Variants in SPTBN1 observed in about 807,000 individuals in gnomAD.
SPTBN1 encodes the protein spectrin beta, non-erythrocytic 1.
A neutral mutation model predicts 266.4 loss-of-function variants in SPTBN1; 32 were observed. The observed-to-expected ratio is 0.12, with a 90% CI of 0.09 to 0.16. The LOEUF (loss-of-function observed/expected upper bound fraction) is 0.16. Ranked by LOEUF, SPTBN1 falls within the 10% of genes least tolerant of loss-of-function variation. The pLI is 1.00. For synonymous variants in SPTBN1, 1,336 were observed against 1,162.2 expected (o/e 1.15, Z -3.04); for missense variants, 2,296 against 3,067.1 (o/e 0.75, Z 5.94).
intron 2 of SPTBN1, 181 bp downstream of exon 2, chr2:54,526,747 G>A (rs1465724881): frequency 3.3e-5 from 23 of 692,482 alleles, no homozygotes; most frequent in Non-Finnish European, 4.5e-5. Flanking sequence ...TTGGAGAGCT[G>A]TCAACTCTAA....
intron 2 of SPTBN1, among the ~76,000 whole-genome samples, chr2:54,582,946 T>C (rs1373219256): frequency 6.6e-6 from 1 of 152,184 alleles, no homozygotes; most frequent in African/African-American, 2.4e-5. Context: ...GTTGTGAGAA[T>C]TGAGTTTTAA....
Position 54,664,721 on chromosome 2 carries a change from A to G in SPTBN1, c.6659+30A>G. 1 of 1,606,810 alleles carries G rather than the reference A, an allele frequency of 6.2e-7. No individual in the cohort carries two copies. Among genetic ancestry groups the G allele is most frequent in the Non-Finnish European group, 8.5e-7 (1 of 1,174,506 alleles). On this transcript the variant is annotated intron_variant, in intron 33 of 35. Transcript: ENST00000356805. The surrounding 1 kb of genome is among the most constrained non-coding windows in gnomAD (Gnocchi z 5.6). ...CAGCAGCAGAGGCTGCCACAGTAAG[A>G]TGGGAAGTCAGCCTGTGAAGGGATA...
At chr2:54,601,843 C>G (rs1313294699) in intron 3 of SPTBN1, among the ~76,000 whole-genome samples, 1 of 152,102 alleles carries the variant, frequency 6.6e-6, no homozygotes, top group Non-Finnish European at 1.5e-5. Context: ...GAGTAAAGTT[C>G]AAAGAAACAT....
chr2:54,593,798 T>G (rs1558878681), intron 2 of SPTBN1, among the ~76,000 whole-genome samples: 1 of 150,618 alleles, frequency 6.6e-6, no homozygotes, highest in Non-Finnish European at 1.5e-5. Flanking sequence ...TGGTGGGTAA[T>G]TCTAAGTCTT....
At chr2:54,552,877 AGTGTGAGTCGTGAGGGGAGGGGAAGTG>A (rs1425234175) in intron 2 of SPTBN1, among the ~76,000 whole-genome samples, 1 of 152,228 alleles carries the variant, frequency 6.6e-6, no homozygotes, top group East Asian at 1.9e-4. Flanking sequence ...TTCTAAGAGT[AGTGTGAGTCGTGAGGGGAGGGGAAGTG>A]CTCCTGACTG....
At position 54,554,831 on chromosome 2, in the gene SPTBN1, A is replaced by G. The variant is rs1301156374; in HGVS notation, c.148+28265A>G. 2.0e-5 allele frequency among the ~76,000 whole-genome samples: 3 copies of G among 152,066 alleles called. No individual in the cohort carries two copies. The highest frequency in any genetic ancestry group is 4.4e-5 in the Non-Finnish European group (3 of 68,008). On this transcript the variant is annotated intron_variant, in intron 2 of 35. Transcript: ENST00000356805. This position sits in a 1 kb window ranked among gnomAD's most constrained non-coding sequence, Gnocchi z 4.5. ...TAGGGCTGAAACCTGTGCACAGAGG[A>G]CATACTCAGTTGGGCCCTGCCTTGG...
At chr2:54,632,339 C>G (rs970422296) in intron 16 of SPTBN1, among the ~76,000 whole-genome samples, 9 of 152,042 alleles carry the variant, frequency 5.9e-5, no homozygotes, top group African/African-American at 2.2e-4. Context: ...CCTTTCCTCA[C>G]TCTCTTTGGA....
intron 2 of SPTBN1, among the ~76,000 whole-genome samples, chr2:54,565,549 A>G (rs541468729): frequency 1.2e-4 from 19 of 152,338 alleles, no homozygotes; most frequent in African/African-American, 4.1e-4. Context: ...AGATAAACCT[A>G]ATAGTGTGTG....
chr2:54,545,075 C>T (rs1267353666), intron 2 of SPTBN1, among the ~76,000 whole-genome samples: 2 of 152,168 alleles, frequency 1.3e-5, no homozygotes, highest in African/African-American at 4.8e-5. Flanking sequence ...TGGTTTCCAG[C>T]TTCATCCATG....
chr2:54,509,051 G>T (rs557427662), intron 1 of SPTBN1, among the ~76,000 whole-genome samples: 1 of 152,208 alleles, frequency 6.6e-6, no homozygotes, highest in African/African-American at 2.4e-5. Flanking sequence ...TCAGCTTGCT[G>T]AGAGGTAATG....
intron 1 of SPTBN1, among the ~76,000 whole-genome samples, chr2:54,522,681 G>A (rs1295015079): frequency 8.6e-6 from 1 of 115,620 alleles, no homozygotes; most frequent in Non-Finnish European, 1.8e-5. Context: ...AGAGAGAGGA[G>A]AGAGAGAGAG....
At chr2:54,462,514 C>T (rs1212580413) in intron 1 of SPTBN1, among the ~76,000 whole-genome samples, 1 of 152,198 alleles carries the variant, frequency 6.6e-6, no homozygotes, top group African/African-American at 2.4e-5. Flanking sequence ...TTTACTGCTA[C>T]TCTGAGATTA....
rs150684675 is a variant in SPTBN1, at chr2:54,659,231, G to A, written c.6321G>A (p.Thr2107=). 1.2e-5 allele frequency: 20 copies of A among 1,614,098 alleles called. No individual in the cohort carries two copies. The highest frequency in any genetic ancestry group is 1.2e-4 in the African/African-American group (9 of 75,036). ...GGCCGCCTTCTCCCGAGCCGAGCAC[G>A]AAGGTTTCAGAGGAAGCCGAGTCCC... ...KRRPPSPEPS[T]KVSEEAESQQ... Residue 2107 remains threonine, a synonymous_variant, in exon 31 of 36, where the codon ACG becomes ACA. Transcript: ENST00000356805.
Position 54,655,223 on chromosome 2 carries a change from T to C in SPTBN1, c.5961+15T>C. 3 of 1,610,236 alleles carry C rather than the reference T, an allele frequency of 1.9e-6. No individual in the cohort carries two copies. Reference sequence around the variant, plus strand: ...CATCTGAGGAGGTAGGTTGCTACTTTGCTTTGGAGCTGCAGCTGGCGTCAA... The same window carrying C: ...CATCTGAGGAGGTAGGTTGCTACTTCGCTTTGGAGCTGCAGCTGGCGTCAA... On this transcript the variant is annotated intron_variant, in intron 28 of 35. Transcript: ENST00000356805.
chr2:54,517,800 C>G (rs903058084), intron 1 of SPTBN1, among the ~76,000 whole-genome samples: 1 of 152,090 alleles, frequency 6.6e-6, no homozygotes, highest in African/African-American at 2.4e-5. Context: ...CGCCCGCCAC[C>G]TCGCCCAGCT....
At chr2:54,521,996 C>T (rs775868663) in intron 1 of SPTBN1, among the ~76,000 whole-genome samples, 23 of 151,962 alleles carry the variant, frequency 1.5e-4, no homozygotes, top group Non-Finnish European at 2.8e-4. Context: ...CTCCCTGGCT[C>T]GAGTGGTCCT....
intron 1 of SPTBN1, among the ~76,000 whole-genome samples, chr2:54,492,579 G>A (rs956912076): frequency 8.5e-5 from 13 of 152,100 alleles, no homozygotes; most frequent in Non-Finnish European, 1.6e-4. Context: ...AGATGCCTTC[G>A]AACTTAGGCA....
chr2:54,660,903 G>A, intron 32 of SPTBN1: 1 of 985,458 alleles, frequency 1.0e-6, no homozygotes, highest in Non-Finnish European at 1.2e-6. Flanking sequence ...TTGCCTCACA[G>A]ACTTCCATGC....
Position 54,646,374 on chromosome 2 carries a change from G to A in SPTBN1, c.4765G>A (p.Glu1589Lys), listed in dbSNP as rs752020828. The part of the protein sequence containing the change: ...EETEKRHRRL[E>K]EAHRAQQYYF... ...GACAGAGAAACGCCACAGGCGGCTG[G>A]AGGAGGCGCACAGGGCCCAGCAGTA... Residue 1589 changes from glutamate (E) to lysine (K), a missense_variant, in exon 23 of 36, where the codon GAG (glutamate) becomes AAG (lysine). Physicochemically the swap from Glu to Lys is moderately conservative, Grantham distance 56 (BLOSUM62 1). This residue lies in a region of SPTBN1 where 644 missense variants were observed against 745.3 expected (regional missense o/e 0.86). Coordinates refer to ENST00000356805, the MANE Select transcript of SPTBN1 (RefSeq NM_003128.3). This position sits in a 1 kb window ranked among gnomAD's most constrained non-coding sequence, Gnocchi z 4.4. The A allele has an allele frequency of 7.1e-5, 115 of 1,613,542 alleles. No homozygotes were observed. In the South Asian group the frequency reaches 1.2e-3, roughly 16 times the overall value.
Sources: gnomAD v4.1 joint callset for allele counts (sites outside exome capture counted in the v4.1 genomes callset) on GRCh38, gnomAD v4.1.1 for gene constraint, gnomAD v4.1.1 regional missense constraint, Gnocchi (gnomAD v3.1) non-coding constraint, MANE v1.5 for transcripts, NCBI Gene and HGNC (gene_info 2026-07-23, HGNC 2026-07-21) for gene names.